RAPGEF2: variants seen among roughly 807,000 people sequenced by gnomAD.
The protein encoded by RAPGEF2 is Rap guanine nucleotide exchange factor 2, also known as PDZ domain containing guanine nucleotide exchange factor (GEF) 1.
A neutral mutation model predicts 186.7 loss-of-function variants in RAPGEF2; 54 were observed. The observed-to-expected ratio is 0.29, with a 90% CI of 0.23 to 0.36. RAPGEF2 has a LOEUF of 0.36. Among genes scored for constraint, RAPGEF2 ranks in the 10% least tolerant of loss-of-function variants. RAPGEF2 has a pLI of 1.00. For synonymous variants in RAPGEF2, 712 were observed against 705.9 expected (o/e 1.01, Z -0.14); for missense variants, 1,532 against 2,045.0 (o/e 0.75, Z 4.84).
At chr4:159,115,652 A>G (rs1193799490) in intron 1 of RAPGEF2, among the ~76,000 whole-genome samples, 2 of 152,126 alleles carry the variant, frequency 1.3e-5, no homozygotes, top group African/African-American at 4.8e-5. Context: ...TCAAATTGTT[A>G]AAAGTATTTC....
intron 8 of RAPGEF2, among the ~76,000 whole-genome samples, chr4:159,313,247 A>T (rs1579894354): frequency 6.6e-6 from 1 of 152,260 alleles, no homozygotes; most frequent in African/African-American, 2.4e-5. Context: ...AGCCACATTC[A>T]TATTCAGTGA....
chr4:159,333,111 C>A (rs1267281139), intron 17 of RAPGEF2, among the ~76,000 whole-genome samples: 1 of 152,054 alleles, frequency 6.6e-6, no homozygotes, highest in Non-Finnish European at 1.5e-5. Flanking sequence ...TCCCGAGTAG[C>A]TGGGATTACA....
intron 4 of RAPGEF2, among the ~76,000 whole-genome samples, chr4:159,230,774 C>T (rs1385574053): frequency 1.3e-5 from 2 of 152,278 alleles, no homozygotes; most frequent in African/African-American, 4.8e-5. Context: ...GAATTCACCT[C>T]TCAATGAAAC....
At chr4:159,288,664 G>A (rs6840293) in intron 7 of RAPGEF2, among the ~76,000 whole-genome samples, 41,637 of 151,942 alleles carry the variant, frequency 0.27, 7,307 homozygotes, top group African/African-American at 0.49. Context: ...CCTACTGCCT[G>A]ACCCCATTTG....
chr4:159,220,719 T>A (rs186383835), intron 4 of RAPGEF2, among the ~76,000 whole-genome samples: 87 of 152,308 alleles, frequency 5.7e-4, no homozygotes, highest in Non-Finnish European at 9.3e-4. Flanking sequence ...GATTAATCAT[T>A]CCATATCCAT....
intron 1 of RAPGEF2, among the ~76,000 whole-genome samples, chr4:159,136,461 A>G (rs1741734451): frequency 1.3e-5 from 2 of 152,176 alleles, no homozygotes; most frequent in African/African-American, 4.8e-5. Flanking sequence ...CTTTAGAACA[A>G]GGAGAGTTTG....
chr4:159,315,440 C>T (rs918796395), intron 9 of RAPGEF2, among the ~76,000 whole-genome samples: 1 of 152,008 alleles, frequency 6.6e-6, no homozygotes, highest in African/African-American at 2.4e-5. Context: ...GGACCAGCCC[C>T]ACAGGGTCGG....
chr4:159,120,674 G>A (rs375606959), intron 1 of RAPGEF2, among the ~76,000 whole-genome samples: 2 of 152,060 alleles, frequency 1.3e-5, no homozygotes, highest in African/African-American at 4.8e-5. Flanking sequence ...CTTTAAATAA[G>A]CTATGTTTCC....
chr4:159,192,678 C>A (rs79983009), intron 2 of RAPGEF2, among the ~76,000 whole-genome samples: 1 of 152,062 alleles, frequency 6.6e-6, no homozygotes, highest in South Asian at 2.1e-4. Flanking sequence ...GCTGAAGTAA[C>A]AAATCTTTAA....
chr4:159,115,247 C>G (rs777556066), intron 1 of RAPGEF2, among the ~76,000 whole-genome samples: 1 of 151,940 alleles, frequency 6.6e-6, no homozygotes, highest in Admixed American at 6.6e-5. Flanking sequence ...AACATGAGAC[C>G]TAACATTTTA....
At chr4:159,163,209 A>AT in intron 1 of RAPGEF2, among the ~76,000 whole-genome samples, 1 of 152,164 alleles carries the variant, frequency 6.6e-6, no homozygotes. Flanking sequence ...TATTCCAATA[A>AT]TTTTATACAT....
rs561639571 is a variant in RAPGEF2 at position 159,165,443 on chromosome 4, A to G, written c.70-21199A>G. On this transcript the variant is annotated intron_variant, in intron 1 of 29. Coordinates refer to ENST00000691494, the MANE Select transcript of RAPGEF2 (RefSeq NM_001394067.2). ...GTAATTATTTTATATAATTGTATGT[A>G]TATCTATATATCTCTATCTGTATAC... Among the ~76,000 whole-genome samples the G allele has an allele frequency of 3.9e-5, 6 of 152,298 alleles. No homozygotes were observed. In the South Asian group the frequency reaches 8.3e-4, roughly 21 times the overall value.
intron 7 of RAPGEF2, among the ~76,000 whole-genome samples, chr4:159,245,027 T>C (rs1201611900): frequency 6.6e-6 from 1 of 152,044 alleles, no homozygotes; most frequent in Non-Finnish European, 1.5e-5. Flanking sequence ...AAAAGATAAA[T>C]CAATATGTAA....
intron 28 of RAPGEF2, among the ~76,000 whole-genome samples, chr4:159,355,632 C>T (rs1412722532): frequency 6.6e-6 from 1 of 152,170 alleles, no homozygotes; most frequent in Non-Finnish European, 1.5e-5. Context: ...AGCAGCTTCT[C>T]TCACCAATTA....
At chr4:159,140,039 A>G (rs920979032) in intron 1 of RAPGEF2, among the ~76,000 whole-genome samples, 1 of 152,202 alleles carries the variant, frequency 6.6e-6, no homozygotes, top group African/African-American at 2.4e-5. Context: ...ATGGAGTGCT[A>G]AATGGTCTTT....
rs188695649 is a variant in RAPGEF2, at chr4:159,158,369, C to G, written c.70-28273C>G. On this transcript the variant is annotated intron_variant, in intron 1 of 29. Transcript: ENST00000691494. ...AGGAAGACATATCCCTTTCCTTTGG[C>G]TCTCCTTTTTGTGTCTTGAGTCTAA... Among the ~76,000 whole-genome samples, 15 of 152,214 alleles carry G rather than the reference C, an allele frequency of 9.9e-5. No individual in the cohort carries two copies. In the South Asian group the frequency reaches 3.1e-3, roughly 32 times the overall value.
At chr4:159,205,792 C>T (rs779002631) in intron 3 of RAPGEF2, among the ~76,000 whole-genome samples, 14 of 152,126 alleles carry the variant, frequency 9.2e-5, no homozygotes, top group Non-Finnish European at 1.9e-4. Flanking sequence ...GTACAGCCTG[C>T]GGAACTGTGA....
At chr4:159,259,410 A>G (rs566725845) in intron 7 of RAPGEF2, among the ~76,000 whole-genome samples, 3 of 152,354 alleles carry the variant, frequency 2.0e-5, no homozygotes, top group Admixed American at 6.5e-5. Context: ...TGATGAATCA[A>G]TCTTTTCGTT....
intron 1 of RAPGEF2, among the ~76,000 whole-genome samples, chr4:159,113,040 G>A (rs976781555): frequency 3.3e-5 from 5 of 152,168 alleles, no homozygotes; most frequent in African/African-American, 1.2e-4. Flanking sequence ...ATATCAGATA[G>A]ACTCAAATTT....
Sources: allele counts gnomAD v4.1 joint callset (sites outside exome capture counted in the v4.1 genomes callset), GRCh38; gene constraint gnomAD v4.1.1; transcripts MANE v1.5; gene names NCBI Gene and HGNC (gene_info 2026-07-23, HGNC 2026-07-21).